The following ESRRG variants were observed in gnomAD, a reference collection of about 807,000 sequenced individuals.
The protein encoded by ESRRG is estrogen-related receptor gamma.
ESRRG carries 13 observed loss-of-function variants against 44.0 expected under a neutral mutation model. The observed-to-expected ratio is 0.30, with a 90% CI of 0.19 to 0.47. The LOEUF (loss-of-function observed/expected upper bound fraction) is 0.47. ESRRG is among the 20% of genes least tolerant of loss of function. The pLI, the probability that ESRRG is intolerant of heterozygous loss-of-function variation, is 1.00. For missense variants in ESRRG, 395 were observed against 580.6 expected, an observed-to-expected ratio of 0.68 and a Z score of 3.29; for synonymous variants, 215 against 214.6, an observed-to-expected ratio of 1.00 and a Z score of -0.02.
chr1:216,751,949 T>A (rs556376965), intron 2 of ESRRG, among the ~76,000 whole-genome samples: 4 of 152,088 alleles, frequency 2.6e-5, no homozygotes, highest in African/African-American at 9.6e-5. Flanking sequence ...AGAGTGAGAG[T>A]CATTATGTAG....
intron 2 of ESRRG, among the ~76,000 whole-genome samples, chr1:216,788,931 T>C (rs2094219911): frequency 6.6e-6 from 1 of 152,074 alleles, no homozygotes; most frequent in South Asian, 2.1e-4. Flanking sequence ...GAATTAGAAA[T>C]GGAGCCTGAA....
chr1:216,698,539 A>G, intron 1 of ESRRG, among the ~76,000 whole-genome samples: 1 of 151,552 alleles, frequency 6.6e-6, no homozygotes, highest in Admixed American at 6.6e-5. Context: ...AAAAAAAAAA[A>G]AATTTGCAAG....
At chr1:216,750,757 TAC>T (rs2091927394) in intron 2 of ESRRG, among the ~76,000 whole-genome samples, 1 of 29,446 alleles carries the variant, frequency 3.4e-5, no homozygotes, top group Non-Finnish European at 3.1e-4. Context: ...GAGAGTTATT[TAC>T]CTTTTTTTAA....
At chr1:216,661,838 C>T (rs1016028839) in intron 2 of ESRRG, among the ~76,000 whole-genome samples, 35 of 152,128 alleles carry the variant, frequency 2.3e-4, no homozygotes, top group African/African-American at 8.0e-4. Context: ...TTGGGGAACT[C>T]CTTGACATAA....
chr1:217,028,894 C>T (rs537116976), intron 1 of ESRRG, among the ~76,000 whole-genome samples: 1 of 152,252 alleles, frequency 6.6e-6, no homozygotes, highest in African/African-American at 2.4e-5. Flanking sequence ...CTAAGTATTG[C>T]ACCTTATGCC....
At chr1:216,665,904 T>C (rs2073810755) in intron 2 of ESRRG, among the ~76,000 whole-genome samples, 2 of 152,226 alleles carry the variant, frequency 1.3e-5, no homozygotes, top group Non-Finnish European at 2.9e-5. Context: ...AGTGAATTCA[T>C]GTGGTTTATA....
intron 2 of ESRRG, among the ~76,000 whole-genome samples, chr1:216,913,312 G>A (rs963028976): frequency 1.3e-5 from 2 of 151,698 alleles, no homozygotes; most frequent in Non-Finnish European, 1.5e-5. Flanking sequence ...ATGGGAGGAT[G>A]TGCATAGTTA....
chr1:216,991,931 T>G (rs1286472601), intron 1 of ESRRG, among the ~76,000 whole-genome samples: 2 of 152,204 alleles, frequency 1.3e-5, no homozygotes, highest in East Asian at 3.9e-4. Flanking sequence ...TTTGCCCAAG[T>G]TCCACTTCAT....
At chr1:216,595,549 T>C (rs1225896395) in intron 3 of ESRRG, among the ~76,000 whole-genome samples, 3 of 152,250 alleles carry the variant, frequency 2.0e-5, no homozygotes, top group Non-Finnish European at 4.4e-5. Flanking sequence ...GTCAAATGCA[T>C]AAAATGTCAA....
chr1:216,570,890 A>G (rs905707786), intron 3 of ESRRG, among the ~76,000 whole-genome samples: 2 of 152,202 alleles, frequency 1.3e-5, no homozygotes, highest in African/African-American at 4.8e-5. Context: ...ACTGTTAGCA[A>G]TATGTCCTCA....
chr1:217,043,810 T>C (rs1284736969), intron 1 of ESRRG, among the ~76,000 whole-genome samples: 1 of 152,134 alleles, frequency 6.6e-6, no homozygotes, highest in Non-Finnish European at 1.5e-5. Flanking sequence ...TAAATGTCAG[T>C]TATCTGGGAT....
Position 216,912,669 on chromosome 1 carries a change from C to G in ESRRG, c.-14+26913G>C, listed in dbSNP as rs376239320. Among the ~76,000 whole-genome samples the G allele has an allele frequency of 3.0e-4, 45 of 152,224 alleles. No homozygotes were observed. The South Asian group carries it at 8.5e-3, about 29-fold the overall frequency. On this transcript the variant is annotated intron_variant, in intron 2 of 7. Transcript: ENST00000359162. Reference sequence around the variant, plus strand: ...ATTAGATACTACTGATACAATAATACTTTACAAATCATGAGGTATGTCCAT... The same window carrying G: ...ATTAGATACTACTGATACAATAATAGTTTACAAATCATGAGGTATGTCCAT...
intron 2 of ESRRG, among the ~76,000 whole-genome samples, chr1:216,748,907 AG>A (rs1415019365): frequency 6.6e-6 from 1 of 152,028 alleles, no homozygotes; most frequent in African/African-American, 2.4e-5. Context: ...AGAGCTGGGG[AG>A]GGGCCCATCC....
chr1:216,700,256 A>T (rs1419250042), intron 1 of ESRRG, among the ~76,000 whole-genome samples: 1 of 152,086 alleles, frequency 6.6e-6, no homozygotes, highest in African/African-American at 2.4e-5. Context: ...GACTCTGGCT[A>T]TTTTCACTTT....
intron 1 of ESRRG, among the ~76,000 whole-genome samples, chr1:217,079,146 G>A (rs1198021597): frequency 6.6e-6 from 1 of 152,206 alleles, no homozygotes; most frequent in East Asian, 1.9e-4. Context: ...GAGAAAAAGA[G>A]AGAGACAGAG....
intron 1 of ESRRG, among the ~76,000 whole-genome samples, chr1:217,066,716 C>T (rs2089769995): frequency 6.6e-6 from 1 of 152,292 alleles, no homozygotes; most frequent in Non-Finnish European, 1.5e-5. Flanking sequence ...GGGGGATGCC[C>T]TGTGGACTGC....
chr1:217,040,740 A>T (rs530933956), intron 1 of ESRRG, among the ~76,000 whole-genome samples: 1 of 152,276 alleles, frequency 6.6e-6, no homozygotes, highest in East Asian at 1.9e-4. Flanking sequence ...TTGCCCAATA[A>T]CACACTATTA....
At chr1:216,842,870 C>T (rs376780953) in intron 2 of ESRRG, among the ~76,000 whole-genome samples, 1 of 152,262 alleles carries the variant, frequency 6.6e-6, no homozygotes, top group Non-Finnish European at 1.5e-5. Flanking sequence ...CTGACATACA[C>T]AAATGTAGGG....
At chr1:217,097,891 G>T (rs1337218054) in intron 1 of ESRRG, among the ~76,000 whole-genome samples, 1 of 149,954 alleles carries the variant, frequency 6.7e-6, no homozygotes, top group Non-Finnish European at 1.5e-5. Context: ...TATGACCATG[G>T]TTCCTAAACT....
Sources: allele counts gnomAD v4.1 joint callset (sites outside exome capture counted in the v4.1 genomes callset), GRCh38; gene constraint gnomAD v4.1.1; transcripts MANE v1.5; gene names NCBI Gene and HGNC (gene_info 2026-07-23, HGNC 2026-07-21).